DCST2: variants seen among roughly 807,000 people sequenced by gnomAD.
The protein encoded by DCST2 is DC-STAMP domain containing 2.
Under a neutral mutation model 81.8 loss-of-function variants are expected in DCST2, and 64 were observed. That is an observed-to-expected ratio of 0.78 (90% CI 0.64 to 0.96). DCST2 has a LOEUF of 0.96. DCST2 is among the 40% of genes least tolerant of loss of function. The pLI is 0.00. For synonymous variants in DCST2, 354 were observed against 402.6 expected (o/e 0.88, Z 1.44); for missense variants, 945 against 1,001.4 (o/e 0.94, Z 0.76).
chr1:155,027,902 A>G (rs1300407898), intron 8 of DCST2, among the ~76,000 whole-genome samples: 1 of 150,404 alleles, frequency 6.6e-6, no homozygotes, highest in Non-Finnish European at 1.5e-5. Context: ...CTCGACACAC[A>G]TAATTTATTT....
chr1:155,028,373 C>T (rs558455309), intron 8 of DCST2, among the ~76,000 whole-genome samples: 3 of 152,162 alleles, frequency 2.0e-5, no homozygotes, highest in South Asian at 2.1e-4. Context: ...GGTGGATCAC[C>T]GGAGGTCAGG....
Position 155,026,674 on chromosome 1 carries a change from C to A in DCST2, c.1384G>T (p.Ala462Ser). 1 of 1,614,212 alleles carries A rather than the reference C, an allele frequency of 6.2e-7. No homozygotes were observed. The highest frequency in any genetic ancestry group is 8.5e-7 in the Non-Finnish European group (1 of 1,180,038). Reference protein sequence around the residue: ...VSLTVEGTGYAGNIYRDLVSA... With the variant: ...VSLTVEGTGYSGNIYRDLVSA... ...ACCAGGTCACGATAAATATTCCCAGCGTAGCCAGTACCTTCCACGGTTAGA... is the reference window on the plus strand; with the variant it reads ...ACCAGGTCACGATAAATATTCCCAGAGTAGCCAGTACCTTCCACGGTTAGA... Residue 462 changes from alanine (A) to serine (S), a missense_variant, in exon 9 of 15, where the codon GCT becomes TCT. Ala to Ser is a moderately conservative substitution (Grantham distance 99, BLOSUM62 1). Transcript: ENST00000368424.
chr1:155,032,720 G>C lies in DCST2; in HGVS notation c.488C>G (p.Ala163Gly). Residue 163 changes from alanine (A) to glycine (G), a missense_variant, in exon 3 of 15, where the codon GCT becomes GGT. Ala to Gly is a moderately conservative substitution (Grantham distance 60). Coordinates refer to ENST00000368424, the MANE Select transcript of DCST2 (RefSeq NM_144622.3). Reference protein sequence around the residue: ...KAIARKTKEVADRVRKFFRSI... With the variant: ...KAIARKTKEVGDRVRKFFRSI... ...CCGAAAGAACTTGCGGACCCGGTCA[G>C]CCACCTCTTTGGTCTTCCGGGCAAT... The C allele has an allele frequency of 6.2e-7, 1 of 1,614,170 alleles. No homozygotes were observed. Among genetic ancestry groups the C allele is most frequent in the Non-Finnish European group, 8.5e-7 (1 of 1,180,008 alleles).
In DCST2 at chr1:155,030,561, G is replaced by A; in HGVS notation, c.890C>T (p.Ala297Val). Residue 297 changes from alanine to valine, a missense_variant, in exon 6 of 15, where the codon GCC (alanine) becomes GTC (valine). Physicochemically the swap from Ala to Val is moderately conservative, Grantham distance 64. Coordinates refer to ENST00000368424, the MANE Select transcript of DCST2 (RefSeq NM_144622.3). Reference protein sequence around the residue: ...ATHHFSVDLNASRSLSQVAMD... With the variant: ...ATHHFSVDLNVSRSLSQVAMD... ...GGCTACCTGGGACAGGCTCCGAGAG[G>A]CATTGAGATCCACAGAGAAGTGGTG... 1 of 1,614,154 alleles carries A rather than the reference G, an allele frequency of 6.2e-7. No individual in the cohort carries two copies.
At chr1:155,030,271 GC>G (rs35788499) in intron 6 of DCST2, 30 bp from the exon 7 acceptor site, 1 of 1,613,504 alleles carries the variant, frequency 6.2e-7, no homozygotes, top group African/African-American at 1.3e-5. Context: ...CACATGTGAG[GC>G]CCCTTAGGAC....
At chr1:155,027,903 T>C (rs960637845) in intron 8 of DCST2, among the ~76,000 whole-genome samples, 3 of 150,638 alleles carry the variant, frequency 2.0e-5, no homozygotes, top group Non-Finnish European at 4.4e-5. Context: ...TCGACACACA[T>C]AATTTATTTT....
Position 155,033,456 on chromosome 1 carries a change from C to T in DCST2, c.246G>A (p.Leu82=), listed in dbSNP as rs1193850918. 1.2e-6 allele frequency: 2 copies of T among 1,613,856 alleles called. No homozygotes were observed. The highest frequency in any genetic ancestry group is 1.7e-6 in the Non-Finnish European group (2 of 1,179,810). ...FSRQVRATVL[L]LLPQAFSRQG... ...CACTGGAGAAGGCCTGAGGCAGCAG[C>T]AGGAGGACAGTGGCTCGGACCTGGC... Residue 82 remains leucine, a synonymous_variant, in exon 1 of 15, where the codon CTG becomes CTA. Transcript: ENST00000368424.
In DCST2 at chr1:155,023,268, C is replaced by A; in HGVS notation, c.1965-11G>T. The A allele has an allele frequency of 6.2e-7, 1 of 1,614,090 alleles. No homozygotes were observed. Among genetic ancestry groups the A allele is most frequent in the Non-Finnish European group, 8.5e-7 (1 of 1,179,978 alleles). On this transcript the variant is annotated splice_polypyrimidine_tract_variant and intron_variant, in intron 13 of 14. Transcript: ENST00000368424. ...TCATCGCTGGAGTCCCTGGAGAAGACTCTCATCTCAGTGGCCTGCAGACAT... is the reference window on the plus strand; with the variant it reads ...TCATCGCTGGAGTCCCTGGAGAAGAATCTCATCTCAGTGGCCTGCAGACAT...
chr1:155,018,844 G>T, intron 14 of DCST2, 84 bp from the exon 15 acceptor site: 1 of 1,360,802 alleles, frequency 7.3e-7, no homozygotes, highest in Non-Finnish European at 1.0e-6. Context: ...TGCCCCATCT[G>T]TTCAGATCCA....
chr1:155,026,307 C>T lies in DCST2; in HGVS notation c.1606G>A (p.Glu536Lys), dbSNP rs1266200424. ...VICASYYPSR[E>K]QERISYLYNV... The stretch of plus-strand genomic sequence containing the variant: ...CCCAGCCCCGGACCCCTCACCTGCT[C>T]CCGGGATGGGTAGTAGGAGGCACAG... Residue 536 changes from glutamate (E) to lysine (K), a missense_variant, in exon 10 of 15, where the codon GAG becomes AAG. By Grantham distance (56) the Glu-to-Lys change is moderately conservative. Transcript: ENST00000368424. 1.9e-6 allele frequency: 3 copies of T among 1,613,716 alleles called. No individual in the cohort carries two copies. The South Asian group carries it at 3.3e-5, about 18-fold the overall frequency.
intron 4 of DCST2, 59 bp downstream of exon 4, chr1:155,031,515 T>TGGCCCCC: frequency 1.2e-5 from 8 of 643,126 alleles, no homozygotes; most frequent in Non-Finnish European, 2.0e-5. Context: ...ACCCCCACAT[T>TGGCCCCC]CCCACCCCAC....
Position 155,031,734 on chromosome 1 carries a change from G to T in DCST2, c.579C>A (p.His193Gln). 1.9e-6 allele frequency: 3 copies of T among 1,613,808 alleles called. No homozygotes were observed. Among genetic ancestry groups the T allele is most frequent in the Non-Finnish European group, 2.5e-6 (3 of 1,180,020 alleles). The change falls in exon 4 of 15, where the codon CAC (histidine) becomes CAA (glutamine). Residue 193 changes from histidine (H) to glutamine (Q), a missense_variant. His to Gln is a conservative substitution (Grantham distance 24, BLOSUM62 0). Transcript: ENST00000368424. ...ALRNVWQWLL[H>Q]IGDVCNSELG... is the part of the protein sequence containing the mutation. ...GTTCCGAGTTGCACACATCGCCGAT[G>T]TGCAGGAGCCACTGCCACACATTCC...
chr1:155,028,405 A>G (rs1659972162), intron 8 of DCST2, among the ~76,000 whole-genome samples: 1 of 152,140 alleles, frequency 6.6e-6, no homozygotes, highest in African/African-American at 2.4e-5. Flanking sequence ...AGCCTGAGCA[A>G]TATGGTTAAA....
In DCST2 at chr1:155,023,115, A is replaced by T; in HGVS notation, c.2105+2T>A. 6.2e-7 allele frequency: 1 copy of T among 1,611,174 alleles called. No homozygotes were observed. Among genetic ancestry groups the T allele is most frequent in the Non-Finnish European group, 8.5e-7 (1 of 1,179,868 alleles). On this transcript the variant is annotated splice_donor_variant, in intron 14 of 14. Transcript: ENST00000368424. LOFTEE classifies it high-confidence loss of function. ...AGGTGCCAACTCCTGCTTCCTGCTC[A>T]CCTGGACTCGGAAGTGGACTCCATT...
chr1:155,030,023 C>T (rs755457920), intron 7 of DCST2, 61 bp downstream of exon 7: 43 of 1,601,612 alleles, frequency 2.7e-5, no homozygotes, highest in Middle Eastern at 4.5e-4. Flanking sequence ...GGCAGGGCAG[C>T]GGGGTGGGGG....
chr1:155,029,504 C>T, intron 7 of DCST2, 107 bp from the exon 8 acceptor site: 1 of 1,081,892 alleles, frequency 9.2e-7, no homozygotes, highest in Non-Finnish European at 1.3e-6. Context: ...GGCCCGTCTG[C>T]TCATCAGGAA....
At chr1:155,023,637 G>T (rs767372587) in intron 12 of DCST2, 180 bp from the exon 13 acceptor site, 2 of 1,548,352 alleles carry the variant, frequency 1.3e-6, no homozygotes, top group East Asian at 2.4e-5. Context: ...ATAAATACCC[G>T]GGAGAATAAA....
intron 4 of DCST2, 51 bp downstream of exon 4, chr1:155,031,519 ACCCC>A: frequency 2.4e-6 from 1 of 412,712 alleles, no homozygotes; most frequent in Non-Finnish European, 4.4e-6. Flanking sequence ...CCACATTCCC[ACCCC>A]ACCCCACCCC....
chr1:155,033,614 A>G lies in DCST2; in HGVS notation c.88T>C (p.Phe30Leu). The change falls in exon 1 of 15, where the codon TTT (phenylalanine) becomes CTT (leucine). Residue 30 changes from phenylalanine (F) to leucine (L), a missense_variant. Phe to Leu is a conservative substitution (Grantham distance 22). Coordinates refer to ENST00000368424, the MANE Select transcript of DCST2 (RefSeq NM_144622.3). ...ARAVVRSVGG[F>L]TLGLSLATAY... ...GTGGCTAAAGACAAGCCCAGGGTAA[A>G]ACCTCCCACGCTGCGAACCACAGCT... 6.2e-7 allele frequency: 1 copy of G among 1,614,144 alleles called. No individual in the cohort carries two copies. The highest frequency in any genetic ancestry group is 8.5e-7 in the Non-Finnish European group (1 of 1,179,990).
Sources: allele counts gnomAD v4.1 joint callset (sites outside exome capture counted in the v4.1 genomes callset), GRCh38; gene constraint gnomAD v4.1.1; transcripts MANE v1.5; gene names NCBI Gene and HGNC (gene_info 2026-07-23, HGNC 2026-07-21).